CAMK4: variants seen among roughly 807,000 people sequenced by gnomAD.
CAMK4 encodes the protein calcium/calmodulin dependent protein kinase IV, also known as calcium/calmodulin-dependent protein kinase type IV.
Under a neutral mutation model 44.9 loss-of-function variants are expected in CAMK4, and 22 were observed. The observed-to-expected ratio is 0.49, with a 90% CI of 0.35 to 0.70. The LOEUF (loss-of-function observed/expected upper bound fraction) is 0.70. Ranked by LOEUF, CAMK4 falls within the 30% of genes least tolerant of loss-of-function variation. The pLI, the probability that CAMK4 is intolerant of heterozygous loss-of-function variation, is 0.01. For synonymous variants in CAMK4, 218 were observed against 215.4 expected (o/e 1.01, Z -0.11); for missense variants, 498 against 586.8 (o/e 0.85, Z 1.56).
chr5:111,328,328 T>C (rs1401749920), intron 1 of CAMK4, among the ~76,000 whole-genome samples: 1 of 151,650 alleles, frequency 6.6e-6, no homozygotes, highest in African/African-American at 2.4e-5. Flanking sequence ...TGTAGATATG[T>C]GGCATTATTT....
At chr5:111,371,851 A>T (rs1360092867) in intron 2 of CAMK4, among the ~76,000 whole-genome samples, 2 of 152,134 alleles carry the variant, frequency 1.3e-5, no homozygotes, top group African/African-American at 4.8e-5. Context: ...AGGCTTCTTT[A>T]CTTTCCTTCA....
At chr5:111,381,789 A>T (rs1751425743) in intron 4 of CAMK4, among the ~76,000 whole-genome samples, 1 of 152,082 alleles carries the variant, frequency 6.6e-6, no homozygotes, top group Non-Finnish European at 1.5e-5. Context: ...GGCTTGTCTG[A>T]CCCACCATTG....
intron 7 of CAMK4, among the ~76,000 whole-genome samples, chr5:111,462,918 C>CA (rs1256646766): frequency 2.0e-5 from 3 of 152,140 alleles, no homozygotes; most frequent in Non-Finnish European, 4.4e-5. Flanking sequence ...TAAAAAGAGT[C>CA]ACACTTAGAC....
intron 1 of CAMK4, among the ~76,000 whole-genome samples, chr5:111,317,138 A>C (rs1341047250): frequency 6.6e-6 from 1 of 152,140 alleles, no homozygotes; most frequent in Non-Finnish European, 1.5e-5. Context: ...TGTAAGAGGG[A>C]CTAAATATTA....
At chr5:111,247,504 T>G (rs1198668838) in intron 1 of CAMK4, among the ~76,000 whole-genome samples, 1 of 149,532 alleles carries the variant, frequency 6.7e-6, no homozygotes, top group Non-Finnish European at 1.5e-5. Context: ...AAATATAACC[T>G]TATAAATATT....
At chr5:111,343,717 A>G (rs958591842) in intron 1 of CAMK4, among the ~76,000 whole-genome samples, 7 of 151,760 alleles carry the variant, frequency 4.6e-5, no homozygotes, top group Admixed American at 1.3e-4. Flanking sequence ...TTCAAAAACA[A>G]CATTCACCTG....
At chr5:111,397,327 C>G (rs886957371) in intron 5 of CAMK4, among the ~76,000 whole-genome samples, 1 of 152,182 alleles carries the variant, frequency 6.6e-6, no homozygotes, top group Non-Finnish European at 1.5e-5. Context: ...TTGCGGAAAT[C>G]ATAGCAATGT....
At chr5:111,340,769 G>T (rs566132645) in intron 1 of CAMK4, among the ~76,000 whole-genome samples, 2 of 151,072 alleles carry the variant, frequency 1.3e-5, no homozygotes, top group Non-Finnish European at 3.0e-5. Context: ...AGTTTGAGAC[G>T]GATTGGTATT....
At chr5:111,267,765 T>C (rs1580505760) in intron 1 of CAMK4, among the ~76,000 whole-genome samples, 1 of 146,470 alleles carries the variant, frequency 6.8e-6, no homozygotes, top group Non-Finnish European at 1.5e-5. Flanking sequence ...GATGATAGAA[T>C]TAGAATATCC....
chr5:111,249,466 C>T (rs1749382630), intron 1 of CAMK4, among the ~76,000 whole-genome samples: 1 of 150,384 alleles, frequency 6.6e-6, no homozygotes, highest in Non-Finnish European at 1.5e-5. Context: ...AATAAATATA[C>T]ATTTATACAT....
chr5:111,255,140 T>A (rs978339839), intron 1 of CAMK4, among the ~76,000 whole-genome samples: 1 of 152,204 alleles, frequency 6.6e-6, no homozygotes, highest in Non-Finnish European at 1.5e-5. Flanking sequence ...TGAAGTACAT[T>A]TCTGATGGAC....
chr5:111,223,780 G>C (rs918429840), upstream of CAMK4: 1 of 152,616 alleles, frequency 6.6e-6, no homozygotes, highest in Non-Finnish European at 1.5e-5. This position sits in a 1 kb window ranked among gnomAD's most constrained non-coding sequence, Gnocchi z 4.3. Context: ...CAGGAGCCCT[G>C]AGGGATCGGC....
chr5:111,369,012 T>C (rs895643795), intron 2 of CAMK4, among the ~76,000 whole-genome samples: 2 of 150,580 alleles, frequency 1.3e-5, no homozygotes, highest in African/African-American at 2.4e-5. Flanking sequence ...TCTCAAAGTT[T>C]TGGGCTTTAG....
chr5:111,239,140 A>G (rs552925615), intron 1 of CAMK4, among the ~76,000 whole-genome samples: 1 of 152,256 alleles, frequency 6.6e-6, no homozygotes, highest in Admixed American at 6.5e-5. Flanking sequence ...ATTCTGGCAC[A>G]GCTCACACGA....
chr5:111,446,389 C>T (rs1448905931), intron 5 of CAMK4, among the ~76,000 whole-genome samples: 1 of 152,096 alleles, frequency 6.6e-6, no homozygotes, highest in Non-Finnish European at 1.5e-5. Flanking sequence ...TAGCTAATTC[C>T]AGTTGATATA....
chr5:111,245,527 AG>A (rs1292711758), intron 1 of CAMK4, among the ~76,000 whole-genome samples: 1 of 152,160 alleles, frequency 6.6e-6, no homozygotes, highest in African/African-American at 2.4e-5. Flanking sequence ...CTCTGACATG[AG>A]TTACAACTAC....
chr5:111,309,081 A>T (rs1336286289), intron 1 of CAMK4, among the ~76,000 whole-genome samples: 1 of 152,208 alleles, frequency 6.6e-6, no homozygotes, highest in Non-Finnish European at 1.5e-5. Flanking sequence ...AGAGTCTTTG[A>T]GTTCAAACAA....
chr5:111,237,258 G>A (rs1296129194), intron 1 of CAMK4, among the ~76,000 whole-genome samples: 3 of 152,290 alleles, frequency 2.0e-5, no homozygotes, highest in South Asian at 2.1e-4. Context: ...CTATCTTAAA[G>A]AGCCCCCATC....
At chr5:111,227,957 GCATTTT>G (rs1223628928) in intron 1 of CAMK4, among the ~76,000 whole-genome samples, 1 of 152,194 alleles carries the variant, frequency 6.6e-6, no homozygotes, top group African/African-American at 2.4e-5. Flanking sequence ...TGAGAAACTG[GCATTTT>G]AAAGGCTTTT....
Sources: allele counts gnomAD v4.1 joint callset (sites outside exome capture counted in the v4.1 genomes callset), GRCh38; gene constraint gnomAD v4.1.1; non-coding constraint Gnocchi (gnomAD v3.1); transcripts MANE v1.5; gene names NCBI Gene and HGNC (gene_info 2026-07-23, HGNC 2026-07-21).